TEC: variants seen among roughly 807,000 people sequenced by gnomAD.
The protein encoded by TEC is tyrosine-protein kinase Tec.
Under a neutral mutation model 93.0 loss-of-function variants are expected in TEC, and 72 were observed. That is an observed-to-expected ratio of 0.77 (90% CI 0.64 to 0.94). TEC has a LOEUF of 0.94. Ranked by LOEUF, TEC falls within the 40% of genes least tolerant of loss-of-function variation. The probability of loss-of-function intolerance (pLI) is 0.00; values close to 1 mark genes in which losing one functional copy is unlikely to be tolerated. For missense variants in TEC, 630 were observed against 757.9 expected (o/e 0.83, Z 1.98); for synonymous variants, 249 against 247.7 (o/e 1.01, Z -0.05).
At chr4:48,189,044 T>C (rs1411330177) in intron 2 of TEC, among the ~76,000 whole-genome samples, 2 of 152,244 alleles carry the variant, frequency 1.3e-5, no homozygotes, top group East Asian at 1.9e-4. Context: ...GTTTTTCATT[T>C]ACTGACTGAT....
intron 1 of TEC, among the ~76,000 whole-genome samples, chr4:48,265,489 A>ATG (rs1724615130): frequency 3.2e-5 from 3 of 94,226 alleles, no homozygotes; most frequent in African/African-American, 1.2e-4. Flanking sequence ...GTGTGTGTAT[A>ATG]TATGTGTGTA....
chr4:48,163,728 C>T lies in TEC; in HGVS notation c.711G>A (p.Lys237=). The T allele has an allele frequency of 6.6e-7, 1 of 1,505,488 alleles. No homozygotes were observed. The highest frequency in any genetic ancestry group is 9.0e-7 in the Non-Finnish European group (1 of 1,106,722). The allele number at this position is 1,505,488 out of a possible 1,614,324, so 93.3% of individuals were successfully genotyped here. ...CATATTGATCTAAGTTGTTTGATTT[C>T]TTTCCCGTTACGTAATTACTTGGGA... ...GYIPSNYVTG[K]KSNNLDQYEW... The change falls in exon 8 of 18, where the codon AAG becomes AAA. Residue 237 remains lysine (K), a synonymous_variant. Transcript: ENST00000381501.
chr4:48,258,648 T>C (rs1724409058), intron 1 of TEC, among the ~76,000 whole-genome samples: 7 of 152,246 alleles, frequency 4.6e-5, no homozygotes, highest in Admixed American at 4.6e-4. Context: ...TTGTTCATCG[T>C]GTAGCCCTCT....
chr4:48,234,491 G>A (rs1238588177), intron 1 of TEC, among the ~76,000 whole-genome samples: 1 of 152,158 alleles, frequency 6.6e-6, no homozygotes, highest in African/African-American at 2.4e-5. Flanking sequence ...CAAGTAAGGA[G>A]GTTCTTCCAA....
chr4:48,201,446 ACCCCACGAAAGAAC>A (rs1722504923), intron 2 of TEC, among the ~76,000 whole-genome samples: 1 of 151,974 alleles, frequency 6.6e-6, no homozygotes, highest in Non-Finnish European at 1.5e-5. Context: ...GAGAAAAGAG[ACCCCACGAAAGAAC>A]CCTGAGGAAC....
chr4:48,166,245 GCC>G (rs55649419), intron 7 of TEC, among the ~76,000 whole-genome samples: 112,684 of 151,878 alleles, frequency 0.74, 42,384 homozygotes, highest in East Asian at 0.92. Flanking sequence ...AAGAGAGGTA[GCC>G]CCCCCAGAGC....
chr4:48,255,076 T>A (rs895204097), intron 1 of TEC, among the ~76,000 whole-genome samples: 1 of 152,194 alleles, frequency 6.6e-6, no homozygotes, highest in African/African-American at 2.4e-5. Context: ...CAAATGCACA[T>A]AATTAGATTT....
intron 2 of TEC, among the ~76,000 whole-genome samples, chr4:48,203,951 C>A (rs879656182): frequency 6.6e-6 from 1 of 152,180 alleles, no homozygotes; most frequent in African/African-American, 2.4e-5. Context: ...TAGAAACCAC[C>A]ACATATCAAG....
At chr4:48,194,290 A>G (rs1162954563) in intron 2 of TEC, among the ~76,000 whole-genome samples, 1 of 152,204 alleles carries the variant, frequency 6.6e-6, no homozygotes, top group Admixed American at 6.5e-5. Context: ...ATGTTAGTGG[A>G]GGGCACAGAG....
At chr4:48,240,843 A>G (rs898565771) in intron 1 of TEC, among the ~76,000 whole-genome samples, 2 of 151,732 alleles carry the variant, frequency 1.3e-5, no homozygotes, top group African/African-American at 4.8e-5. Context: ...TAGATCATAA[A>G]GGCACATTTG....
intron 1 of TEC, among the ~76,000 whole-genome samples, chr4:48,248,456 A>AT (rs2109665258): frequency 6.6e-6 from 1 of 152,262 alleles, no homozygotes; most frequent in South Asian, 2.1e-4. Flanking sequence ...AATGCTTTAC[A>AT]TTTATTTGCT....
intron 1 of TEC, among the ~76,000 whole-genome samples, chr4:48,236,286 T>G (rs1723781232): frequency 6.6e-6 from 1 of 152,090 alleles, no homozygotes; most frequent in African/African-American, 2.4e-5. Flanking sequence ...CAGCTTTTTT[T>G]TTTGTTTTTT....
intron 2 of TEC, among the ~76,000 whole-genome samples, chr4:48,214,783 G>A (rs1378312997): frequency 6.6e-6 from 1 of 152,080 alleles, no homozygotes; most frequent in Non-Finnish European, 1.5e-5. Flanking sequence ...GAGCCCAGGA[G>A]GTGGAGGTTG....
At chr4:48,168,001 T>C (rs1385436137) in intron 6 of TEC, 48 bp from the exon 7 acceptor site, 4 of 1,559,426 alleles carry the variant, frequency 2.6e-6, no homozygotes, top group Non-Finnish European at 3.5e-6. Context: ...TATATGAAAC[T>C]GATCATGAAT....
At chr4:48,249,551 T>C (rs1027301954) in intron 1 of TEC, among the ~76,000 whole-genome samples, 3 of 152,246 alleles carry the variant, frequency 2.0e-5, no homozygotes, top group Non-Finnish European at 4.4e-5. Context: ...ATAGGCCAAG[T>C]ATTTTATGGT....
chr4:48,165,041 A>C (rs961194177), intron 7 of TEC, among the ~76,000 whole-genome samples: 1 of 152,162 alleles, frequency 6.6e-6, no homozygotes, highest in African/African-American at 2.4e-5. Context: ...AAAGAAAAGA[A>C]AAATGTCAAA....
At chr4:48,225,267 T>C (rs1414973444) in intron 2 of TEC, among the ~76,000 whole-genome samples, 1 of 152,114 alleles carries the variant, frequency 6.6e-6, no homozygotes, top group Non-Finnish European at 1.5e-5. Flanking sequence ...CTCTGCCTCC[T>C]GGCTCCAAGC....
At chr4:48,178,179 T>TAG (rs1721410275) in intron 2 of TEC, among the ~76,000 whole-genome samples, 1 of 112,150 alleles carries the variant, frequency 8.9e-6, no homozygotes, top group Non-Finnish European at 1.9e-5. Flanking sequence ...TCATCAGCCC[T>TAG]TGTGTAGTGA....
intron 2 of TEC, among the ~76,000 whole-genome samples, chr4:48,184,775 A>G (rs924116879): frequency 7.9e-5 from 10 of 126,706 alleles, no homozygotes; most frequent in Non-Finnish European, 1.7e-4. Flanking sequence ...AAAAATACAC[A>G]CACACACACA....
Sources: gnomAD v4.1 joint callset for allele counts (sites outside exome capture counted in the v4.1 genomes callset) on GRCh38, gnomAD v4.1.1 for gene constraint, MANE v1.5 for transcripts, NCBI Gene and HGNC (gene_info 2026-07-23, HGNC 2026-07-21) for gene names.